Variants in PYY observed in about 807,000 individuals in gnomAD.
PYY encodes the protein peptide YY.
In PYY, 12 loss-of-function variants were observed where a neutral mutation model predicts 10.3. The ratio of observed to expected loss-of-function variants is 1.17; its 90% CI spans 0.75 to 1.89. PYY has a LOEUF of 1.89. PYY is among the 40% of genes most tolerant of loss of function. PYY has a pLI of 0.00. For missense variants in PYY, 141 were observed against 134.0 expected, an observed-to-expected ratio of 1.05 and a Z score of -0.26; for synonymous variants, 66 against 62.0, an observed-to-expected ratio of 1.06 and a Z score of -0.30.
chr17:43,980,202 T>C (rs538900229), intron 1 of PYY, among the ~76,000 whole-genome samples: 2 of 133,348 alleles, frequency 1.5e-5, no homozygotes, highest in South Asian at 2.6e-4. Flanking sequence ...CTCACTCTGT[T>C]GCCCAGGCTG....
chr17:43,957,213 A>AG (rs2048678797), upstream of PYY, among the ~76,000 whole-genome samples: 1 of 151,842 alleles, frequency 6.6e-6, no homozygotes, highest in Non-Finnish European at 1.5e-5. Context: ...AAAAAAAAAA[A>AG]AAAGTAATTC....
At chr17:44,003,690 A>T (rs1490869331) in intron 1 of PYY, among the ~76,000 whole-genome samples, 1 of 139,950 alleles carries the variant, frequency 7.1e-6, no homozygotes, top group South Asian at 2.3e-4. Flanking sequence ...AAAAAAAAAA[A>T]GGGTTACAGA....
At chr17:43,965,138 TTC>T (rs1047104623) in intron 2 of PYY, among the ~76,000 whole-genome samples, 109 of 147,110 alleles carry the variant, frequency 7.4e-4, no homozygotes, top group African/African-American at 2.5e-3. Flanking sequence ...TCCTTTTCTT[TTC>T]TCTTTTTTTT....
Position 43,976,191 on chromosome 17 carries a change from G to A in PYY, c.-462-9659C>T, listed in dbSNP as rs1401073992. Among the ~76,000 whole-genome samples, 2 of 122,040 alleles carry A rather than the reference G, an allele frequency of 1.6e-5. 1 individual carries two copies. The highest frequency in any genetic ancestry group is 3.1e-5 in the Non-Finnish European group (2 of 63,630). The allele number at this position is 122,040 out of a possible 152,430, so 80.1% of individuals were successfully genotyped here. A position where few individuals can be genotyped will look rare whatever the true frequency, so the allele number is the denominator to read the frequency against. ...TGCATATATGTATATATACGTATATGTATACATATATACATATACGTATAT... is the reference window on the plus strand; with the variant it reads ...TGCATATATGTATATATACGTATATATATACATATATACATATACGTATAT... On this transcript the variant is annotated intron_variant, in intron 1 of 6. Coordinates refer to the PYY transcript ENST00000360085.
At chr17:43,974,969 G>A (rs1597850690) in intron 1 of PYY, among the ~76,000 whole-genome samples, 1 of 152,088 alleles carries the variant, frequency 6.6e-6, no homozygotes, top group Admixed American at 6.6e-5. Flanking sequence ...GTGCAAAGCC[G>A]CCATCTCCCG....
chr17:43,953,284 G>A lies in PYY; in HGVS notation c.188+12C>T, dbSNP rs781228882. The A allele has an allele frequency of 5.6e-6, 9 of 1,610,642 alleles. No homozygotes were observed. The highest frequency in any genetic ancestry group is 7.6e-6 in the Non-Finnish European group (9 of 1,178,398). On this transcript the variant is annotated intron_variant, in intron 2 of 3. Coordinates refer to ENST00000692052, the MANE Select transcript of PYY (RefSeq NM_001394028.1). ...GAGAGCCCCAGGGGTCCCGCTCCGC[G>A]CCTGCGCTCACCGCTGCCGGGTGAC...
chr17:43,976,462 T>TAC (rs1016744152), intron 1 of PYY, among the ~76,000 whole-genome samples: 26 of 143,828 alleles, frequency 1.8e-4, no homozygotes, highest in African/African-American at 3.6e-4. Context: ...TACATATATA[T>TAC]ACACACACAC....
chr17:43,952,861 C>G lies in PYY; in HGVS notation c.*95G>C. The G allele has an allele frequency of 2.2e-6, 3 of 1,375,748 alleles. No homozygotes were observed. The highest frequency in any genetic ancestry group is 2.9e-6 in the Non-Finnish European group (3 of 1,026,202). 85.2% of individuals were successfully genotyped at this position (1,375,748 alleles called of 1,614,324 possible). Reference sequence around the variant, plus strand: ...CACCCGAACCCTGCCCAGACGCCGCCGTCGGGAGGCAGAATCCGGGTTTCT... The same window carrying G: ...CACCCGAACCCTGCCCAGACGCCGCGGTCGGGAGGCAGAATCCGGGTTTCT... On this transcript the variant is annotated 3_prime_UTR_variant, in exon 4 of 4. Coordinates refer to ENST00000692052, the MANE Select transcript of PYY (RefSeq NM_001394028.1).
At chr17:43,977,430 C>A (rs1195026536) in intron 1 of PYY, among the ~76,000 whole-genome samples, 1 of 152,096 alleles carries the variant, frequency 6.6e-6, no homozygotes, top group Non-Finnish European at 1.5e-5. Flanking sequence ...GTTCCAGGGG[C>A]CACTCCTGGA....
At chr17:43,999,084 A>G (rs1184512489) in intron 1 of PYY, among the ~76,000 whole-genome samples, 1 of 152,208 alleles carries the variant, frequency 6.6e-6, no homozygotes. Flanking sequence ...TCAGGAAGAC[A>G]GCAGGAGAAA....
At chr17:43,990,682 A>G (rs963643360) in intron 1 of PYY, among the ~76,000 whole-genome samples, 2 of 152,138 alleles carry the variant, frequency 1.3e-5, no homozygotes, top group Non-Finnish European at 2.9e-5. Context: ...ATAAATCTCT[A>G]ATAACAGCAT....
intron 1 of PYY, among the ~76,000 whole-genome samples, chr17:43,981,505 T>A (rs4793062): frequency 2.0e-5 from 3 of 151,868 alleles, no homozygotes; most frequent in Non-Finnish European, 4.4e-5. Flanking sequence ...TTGTTTGTTT[T>A]TTTTTTGACA....
At chr17:43,984,188 C>G (rs1431976593) in intron 1 of PYY, among the ~76,000 whole-genome samples, 1 of 152,218 alleles carries the variant, frequency 6.6e-6, no homozygotes, top group Admixed American at 6.5e-5. Context: ...ATGCGGGGAG[C>G]CTTCGCAGCC....
chr17:43,976,402 T>TACACATACATGTATACATATACGTATAC (rs1555618297), intron 1 of PYY, among the ~76,000 whole-genome samples: 1 of 50,896 alleles, frequency 2.0e-5, no homozygotes, highest in Non-Finnish European at 3.3e-5. Context: ...TATACGTATA[T>TACACATACATGTATACATATACGTATAC]ACATATTCAT....
chr17:43,977,718 T>C (rs1395375972), intron 1 of PYY, among the ~76,000 whole-genome samples: 1 of 152,050 alleles, frequency 6.6e-6, no homozygotes, highest in Admixed American at 6.6e-5. Flanking sequence ...GTCTTCCCAC[T>C]TAGAGTCCCC....
At position 43,953,319 on chromosome 17, in the gene PYY, G is replaced by A. The variant is rs1267041444; in HGVS notation, c.165C>T (p.Tyr55=). The A allele has an allele frequency of 7.4e-6, 12 of 1,612,800 alleles. No individual in the cohort carries two copies. Among genetic ancestry groups the A allele is most frequent in the Non-Finnish European group, 1.0e-5 (12 of 1,179,590 alleles). Residue 55 remains tyrosine (Y), a synonymous_variant, in exon 2 of 4, where the codon TAC becomes TAT. Coordinates refer to ENST00000692052, the MANE Select transcript of PYY (RefSeq NM_001394028.1). ...ACCGCTGCCGGGTGACCAGGTTGAG[G>A]TAGTGGCGCAGGGAGGCGTAGTAGC... The part of the protein sequence containing the change: ...LNRYYASLRH[Y]LNLVTRQRYG...
At chr17:43,988,951 A>G (rs2048932409) in intron 1 of PYY, among the ~76,000 whole-genome samples, 1 of 151,902 alleles carries the variant, frequency 6.6e-6, no homozygotes, top group South Asian at 2.1e-4. Context: ...CAGTAGAGAC[A>G]GGGTTTCGCC....
chr17:43,993,184 G>A (rs1002554273), intron 1 of PYY, among the ~76,000 whole-genome samples: 1 of 152,152 alleles, frequency 6.6e-6, no homozygotes, highest in Non-Finnish European at 1.5e-5. Flanking sequence ...GCATGGGCTG[G>A]GTGCTGTGGC....
chr17:43,953,259 G>C, intron 2 of PYY, 37 bp downstream of exon 2: 1 of 1,608,194 alleles, frequency 6.2e-7, no homozygotes, highest in Non-Finnish European at 8.5e-7. Flanking sequence ...GCCGCAGGGT[G>C]AGAGCCCCAG....
Sources: allele counts gnomAD v4.1 joint callset (sites outside exome capture counted in the v4.1 genomes callset), GRCh38; gene constraint gnomAD v4.1.1; transcripts MANE v1.5; gene names NCBI Gene and HGNC (gene_info 2026-07-23, HGNC 2026-07-21).